Variants in SLC2A13 observed in about 807,000 individuals in gnomAD.
SLC2A13 encodes proton myo-inositol cotransporter.
In SLC2A13, 32 loss-of-function variants were observed where a neutral mutation model predicts 64.4. That is an observed-to-expected ratio of 0.50 (90% CI 0.37 to 0.67). SLC2A13 has a LOEUF of 0.67. Among genes scored for constraint, SLC2A13 ranks in the 30% least tolerant of loss-of-function variants. The pLI is 0.00. For missense variants in SLC2A13, 743 were observed against 829.2 expected, an observed-to-expected ratio of 0.90 and a Z score of 1.28; for synonymous variants, 338 against 327.1, an observed-to-expected ratio of 1.03 and a Z score of -0.36.
intron 7 of SLC2A13, among the ~76,000 whole-genome samples, chr12:39,786,558 T>C (rs1282012539): frequency 6.6e-6 from 1 of 152,214 alleles, no homozygotes; most frequent in Admixed American, 6.5e-5. Context: ...CTGGAGTGCA[T>C]TCTAAGCAGG....
intron 7 of SLC2A13, among the ~76,000 whole-genome samples, chr12:39,820,329 G>T (rs761190440): frequency 2.0e-5 from 3 of 152,144 alleles, no homozygotes; most frequent in Non-Finnish European, 4.4e-5. Context: ...ACAGAGTTTT[G>T]TGTTATCACA....
chr12:39,896,385 T>TATATGTGTATATATGTATACATGTATGC (rs1944884308), intron 4 of SLC2A13, among the ~76,000 whole-genome samples: 1 of 123,246 alleles, frequency 8.1e-6, no homozygotes, highest in East Asian at 2.2e-4. Context: ...TATATGTATG[T>TATATGTGTATATATGTATACATGTATGC]ATATGTGTAT....
At chr12:39,899,657 T>C (rs1206664723) in intron 4 of SLC2A13, among the ~76,000 whole-genome samples, 1 of 152,172 alleles carries the variant, frequency 6.6e-6, no homozygotes, top group Non-Finnish European at 1.5e-5. Context: ...TTTGAATGTG[T>C]CCCAGAGATT....
intron 3 of SLC2A13, among the ~76,000 whole-genome samples, chr12:39,961,421 G>GA (rs1465835865): frequency 1.3e-5 from 2 of 152,150 alleles, no homozygotes; most frequent in African/African-American, 4.8e-5. Flanking sequence ...TATCCTTGAT[G>GA]AAAGCTTCTG....
chr12:40,000,628 C>G (rs1947307606), intron 3 of SLC2A13, among the ~76,000 whole-genome samples: 1 of 152,200 alleles, frequency 6.6e-6, no homozygotes, highest in Non-Finnish European at 1.5e-5. Flanking sequence ...CTGGAGGCCT[C>G]TCTCTCCTTG....
At chr12:39,821,266 C>T (rs1184643584) in intron 7 of SLC2A13, among the ~76,000 whole-genome samples, 1 of 151,912 alleles carries the variant, frequency 6.6e-6, no homozygotes, top group Non-Finnish European at 1.5e-5. Context: ...AAAAATTAGC[C>T]GGGCGTGTTG....
intron 1 of SLC2A13, among the ~76,000 whole-genome samples, chr12:40,083,250 C>A (rs1592069310): frequency 6.6e-6 from 1 of 152,076 alleles, no homozygotes. Flanking sequence ...AACAGAAGAT[C>A]CCCTTTTTCA....
chr12:40,042,237 GT>G (rs142288167), intron 2 of SLC2A13, among the ~76,000 whole-genome samples: 19 of 148,756 alleles, frequency 1.3e-4, no homozygotes, highest in East Asian at 5.9e-4. Context: ...AGATAAGCCT[GT>G]TTTTTTTTTA....
intron 7 of SLC2A13, among the ~76,000 whole-genome samples, chr12:39,775,239 T>TTAAAG (rs1337492571): frequency 3.2e-4 from 48 of 152,340 alleles, no homozygotes; most frequent in African/African-American, 1.0e-3. Context: ...AATAATCATT[T>TTAAAG]TAAAGTAAAT....
chr12:39,996,185 T>C (rs1565581905), intron 3 of SLC2A13, among the ~76,000 whole-genome samples: 1 of 152,194 alleles, frequency 6.6e-6, no homozygotes. Flanking sequence ...GTGACTCTTG[T>C]TATGTTTTAG....
chr12:39,872,910 G>T (rs1300567127), intron 4 of SLC2A13, among the ~76,000 whole-genome samples: 1 of 152,142 alleles, frequency 6.6e-6, no homozygotes, highest in East Asian at 1.9e-4. Flanking sequence ...TCAGACAGTG[G>T]TCATCCAAGC....
intron 3 of SLC2A13, among the ~76,000 whole-genome samples, chr12:39,995,480 T>G (rs1947211092): frequency 6.6e-6 from 1 of 152,120 alleles, no homozygotes. Context: ...CTCCTTTAGC[T>G]CCCATATGAG....
At chr12:39,996,241 A>T (rs1947227878) in intron 3 of SLC2A13, among the ~76,000 whole-genome samples, 1 of 152,190 alleles carries the variant, frequency 6.6e-6, no homozygotes, top group South Asian at 2.1e-4. Flanking sequence ...GATTTGTGGA[A>T]CTTTAAACTT....
At chr12:40,001,987 T>C (rs1271281328) in intron 3 of SLC2A13, among the ~76,000 whole-genome samples, 1 of 152,220 alleles carries the variant, frequency 6.6e-6, no homozygotes, top group Non-Finnish European at 1.5e-5. Flanking sequence ...AAATAGATGA[T>C]TTTATTAAGT....
intron 7 of SLC2A13, among the ~76,000 whole-genome samples, chr12:39,766,347 G>T (rs1455133606): frequency 6.6e-6 from 1 of 152,046 alleles, no homozygotes; most frequent in East Asian, 1.9e-4. Context: ...TGAAAGTGCA[G>T]TCTATTAAGT....
In SLC2A13 at chr12:40,090,373, T is replaced by C. The variant is rs1415890540; in HGVS notation, c.556+14880A>G. Among the ~76,000 whole-genome samples, 4 of 152,172 alleles carry C rather than the reference T, an allele frequency of 2.6e-5. 1 individual carries two copies. The highest frequency in any genetic ancestry group is 6.5e-5 in the Admixed American group (1 of 15,276). On this transcript the variant is annotated intron_variant, in intron 1 of 9. Transcript: ENST00000280871. ...AGGCACTATTTGCTCATATGGCTTA[T>C]CTCTGCGTATCTTATCTTCATGACT... is the stretch of plus-strand genomic sequence containing the variant.
intron 2 of SLC2A13, among the ~76,000 whole-genome samples, chr12:40,047,844 A>G (rs1364638219): frequency 6.6e-6 from 1 of 152,204 alleles, no homozygotes; most frequent in Non-Finnish European, 1.5e-5. Flanking sequence ...CCCTGTAAAT[A>G]TCAATTCTTA....
chr12:40,068,302 T>A (rs988218362), intron 1 of SLC2A13: 1 of 417,926 alleles, frequency 2.4e-6, no homozygotes, highest in East Asian at 8.4e-5. Context: ...CCTGGATCAA[T>A]GATAGCCAGT....
intron 7 of SLC2A13, among the ~76,000 whole-genome samples, chr12:39,768,382 A>G (rs1192557764): frequency 6.6e-6 from 1 of 152,120 alleles, no homozygotes; most frequent in Non-Finnish European, 1.5e-5. Context: ...ATATCCTTTA[A>G]GAATTTTCTT....
Sources: gnomAD v4.1 joint callset for allele counts (sites outside exome capture counted in the v4.1 genomes callset) on GRCh38, gnomAD v4.1.1 for gene constraint, MANE v1.5 for transcripts, NCBI Gene and HGNC (gene_info 2026-07-23, HGNC 2026-07-21) for gene names.